LRP1B: variants seen among roughly 807,000 people sequenced by gnomAD.
LRP1B encodes low-density lipoprotein receptor-related protein 1B.
In LRP1B, 217 loss-of-function variants were observed where a neutral mutation model predicts 556.6. That is an observed-to-expected ratio of 0.39 (90% CI 0.35 to 0.44). LRP1B has a LOEUF of 0.44. Among genes scored for constraint, LRP1B ranks in the 20% least tolerant of loss-of-function variants. LRP1B has a pLI of 1.00. For synonymous variants in LRP1B, 2,047 were observed against 1,865.8 expected, an observed-to-expected ratio of 1.10 and a Z score of -2.50; for missense variants, 5,053 against 5,620.8, an observed-to-expected ratio of 0.90 and a Z score of 3.23.
intron 1 of LRP1B, among the ~76,000 whole-genome samples, chr2:141,962,861 T>A (rs1282558911): frequency 3.3e-5 from 5 of 151,826 alleles, no homozygotes; most frequent in African/African-American, 1.2e-4. Context: ...CTAAAGGGAA[T>A]ATGATTCGTT....
intron 2 of LRP1B, among the ~76,000 whole-genome samples, chr2:141,669,756 G>C (rs1690590818): frequency 2.0e-5 from 3 of 150,864 alleles, no homozygotes; most frequent in Admixed American, 2.0e-4. Flanking sequence ...TTTTTGGCGG[G>C]GGCGGGTGGG....
intron 27 of LRP1B, among the ~76,000 whole-genome samples, chr2:140,852,953 G>A (rs777239319): frequency 4.0e-5 from 6 of 151,896 alleles, no homozygotes; most frequent in South Asian, 2.1e-4. Flanking sequence ...GCAAAAAAGC[G>A]TTATTCTTGT....
At chr2:141,924,845 T>C (rs1700291208) in intron 1 of LRP1B, among the ~76,000 whole-genome samples, 1 of 152,186 alleles carries the variant, frequency 6.6e-6, no homozygotes, top group Non-Finnish European at 1.5e-5. Context: ...TATGTAGTCC[T>C]ATGGCAGTGG....
intron 29 of LRP1B, among the ~76,000 whole-genome samples, chr2:140,846,521 C>T (rs1472082871): frequency 1.3e-5 from 2 of 151,990 alleles, no homozygotes; most frequent in Non-Finnish European, 2.9e-5. Context: ...TGTGCCACTA[C>T]ACTCCAGCCT....
rs1000829867 is a variant in LRP1B, at chr2:141,092,929, T to C, written c.1014-30656A>G. The stretch of plus-strand genomic sequence containing the variant: ...TGATTTCAGTGGTTTAGGAGAGAAC[T>C]GGATAGGAGAAATTGGCATTGAGTA... On this transcript the variant is annotated intron_variant, in intron 7 of 90. Coordinates refer to ENST00000389484, the MANE Select transcript of LRP1B (RefSeq NM_018557.3). Among the ~76,000 whole-genome samples, 4 of 152,222 alleles carry C rather than the reference T, an allele frequency of 2.6e-5. No individual in the cohort carries two copies. In the East Asian group the frequency reaches 7.7e-4, roughly 29 times the overall value.
intron 44 of LRP1B, 98 bp downstream of exon 44, chr2:140,541,680 GA>G: frequency 1.0e-6 from 1 of 998,498 alleles, no homozygotes; most frequent in Non-Finnish European, 1.4e-6. Context: ...TTTTTTAAAA[GA>G]AAAAGCAAAT....
chr2:140,747,332 G>T (rs138661943), intron 35 of LRP1B, among the ~76,000 whole-genome samples: 1 of 152,252 alleles, frequency 6.6e-6, no homozygotes, highest in African/African-American at 2.4e-5. Flanking sequence ...GATTCCTTAG[G>T]TACTTTGTTT....
In LRP1B at chr2:141,433,099, T is replaced by C. The variant is rs150106155; in HGVS notation, c.343+47297A>G. 1.3e-4 allele frequency among the ~76,000 whole-genome samples: 20 copies of C among 152,216 alleles called. No homozygotes were observed. In the East Asian group the frequency reaches 3.1e-3, roughly 23 times the overall value. On this transcript the variant is annotated intron_variant, in intron 3 of 90. Transcript: ENST00000389484. The stretch of plus-strand genomic sequence containing the variant: ...GTGTTTATGTTTTCATTTTCATTCA[T>C]CTCAAAGTATTTTCTAACTTTACTT...
chr2:141,077,882 A>T (rs557794997), intron 7 of LRP1B, among the ~76,000 whole-genome samples: 2 of 151,958 alleles, frequency 1.3e-5, no homozygotes, highest in Non-Finnish European at 2.9e-5. Context: ...TCTTTTGGAG[A>T]CCACTTCTCT....
intron 66 of LRP1B, among the ~76,000 whole-genome samples, chr2:140,406,076 AT>A (rs1273545987): frequency 3.3e-5 from 5 of 152,196 alleles, no homozygotes. Flanking sequence ...CATAAACAAA[AT>A]TAAAAACAAA....
chr2:141,228,582 A>AGTGTGTGT (rs3063860), intron 6 of LRP1B, among the ~76,000 whole-genome samples: 1,934 of 146,348 alleles, frequency 0.013, 22 homozygotes, highest in East Asian at 0.067. Context: ...TGTGTGTATG[A>AGTGTGTGT]GTGTGTGTGT....
intron 43 of LRP1B, among the ~76,000 whole-genome samples, chr2:140,558,497 A>G (rs1680814167): frequency 6.6e-6 from 1 of 152,170 alleles, no homozygotes. Context: ...CTAATCAGAA[A>G]GGACCACATA....
intron 1 of LRP1B, among the ~76,000 whole-genome samples, chr2:141,816,904 T>G (rs1350708595): frequency 6.6e-6 from 1 of 152,180 alleles, no homozygotes; most frequent in Admixed American, 6.5e-5. Flanking sequence ...TGTTACCGTT[T>G]TGGGGACAGT....
chr2:141,526,287 T>C (rs1164026067), intron 2 of LRP1B, among the ~76,000 whole-genome samples: 6 of 152,056 alleles, frequency 3.9e-5, no homozygotes, highest in African/African-American at 1.2e-4. Flanking sequence ...CGGTGAGTTA[T>C]GGTCAGACCC....
chr2:140,897,939 T>C (rs1693998483), intron 23 of LRP1B, among the ~76,000 whole-genome samples: 1 of 152,154 alleles, frequency 6.6e-6, no homozygotes, highest in Non-Finnish European at 1.5e-5. Context: ...GTTCTCCTAA[T>C]AAACCCCACT....
At chr2:141,280,048 C>G (rs1251317555) in intron 3 of LRP1B, among the ~76,000 whole-genome samples, 1 of 152,014 alleles carries the variant, frequency 6.6e-6, no homozygotes, top group Non-Finnish European at 1.5e-5. Context: ...CAAGTTGAAT[C>G]CCTTTAAGTA....
At chr2:140,478,682 G>A (rs969331375) in intron 59 of LRP1B, among the ~76,000 whole-genome samples, 4 of 151,998 alleles carry the variant, frequency 2.6e-5, no homozygotes, top group Admixed American at 2.6e-4. Flanking sequence ...CAGATCCCAG[G>A]TCCTCTCATT....
At chr2:140,668,352 A>G (rs1226315892) in intron 41 of LRP1B, among the ~76,000 whole-genome samples, 1 of 134,352 alleles carries the variant, frequency 7.4e-6, no homozygotes, top group African/African-American at 2.9e-5. Context: ...AAAAAAGAAT[A>G]TTTAGGGTCA....
intron 43 of LRP1B, among the ~76,000 whole-genome samples, chr2:140,572,961 C>T (rs76573678): frequency 1.3e-5 from 2 of 151,360 alleles, no homozygotes; most frequent in African/African-American, 4.8e-5. Flanking sequence ...AACATCGATC[C>T]CATAGTAGAG....
Sources: allele counts gnomAD v4.1 joint callset (sites outside exome capture counted in the v4.1 genomes callset), GRCh38; gene constraint gnomAD v4.1.1; transcripts MANE v1.5; gene names NCBI Gene and HGNC (gene_info 2026-07-23, HGNC 2026-07-21).